The following DENND2B variants were observed in gnomAD, a reference collection of about 807,000 sequenced individuals.
The protein encoded by DENND2B is DENN domain-containing protein 2B.
In DENND2B, 32 loss-of-function variants were observed where a neutral mutation model predicts 116.0. The observed-to-expected ratio is 0.28, with a 90% CI of 0.21 to 0.37. The LOEUF (loss-of-function observed/expected upper bound fraction) is 0.37, where lower values mean the gene tolerates loss of function less well. Among genes scored for constraint, DENND2B ranks in the 10% least tolerant of loss-of-function variants. The pLI is 1.00. For missense variants in DENND2B, 1,276 were observed against 1,477.7 expected, an observed-to-expected ratio of 0.86 and a Z score of 2.24; for synonymous variants, 588 against 583.9, an observed-to-expected ratio of 1.01 and a Z score of -0.10.
chr11:8,744,323 G>A (rs1344036953), intron 2 of DENND2B, among the ~76,000 whole-genome samples: 1 of 151,800 alleles, frequency 6.6e-6, no homozygotes, highest in Non-Finnish European at 1.5e-5. Flanking sequence ...TAGTAGAGAT[G>A]GGGTTTCTCC....
intron 1 of DENND2B, among the ~76,000 whole-genome samples, chr11:8,904,670 A>G (rs751866720): frequency 2.0e-5 from 3 of 152,196 alleles, no homozygotes; most frequent in Non-Finnish European, 4.4e-5. Context: ...GAAAATCCTA[A>G]AGAATCCACA....
At chr11:8,842,055 C>T (rs898677489) in intron 3 of DENND2B, among the ~76,000 whole-genome samples, 2 of 152,154 alleles carry the variant, frequency 1.3e-5, no homozygotes. Context: ...CCTGGATCTT[C>T]AGTGATTTAC....
intron 2 of DENND2B, among the ~76,000 whole-genome samples, chr11:8,732,409 C>T (rs1452802266): frequency 2.0e-5 from 3 of 152,196 alleles, no homozygotes; most frequent in Admixed American, 6.5e-5. Context: ...ACGTGAACTT[C>T]CACTACACTG....
intron 4 of DENND2B, among the ~76,000 whole-genome samples, chr11:8,816,505 C>T (rs1353604160): frequency 2.0e-5 from 3 of 150,470 alleles, no homozygotes; most frequent in East Asian, 3.9e-4. Context: ...GAGACATCAT[C>T]GCATCACTGC....
At chr11:8,833,446 A>C (rs2062295586) in intron 4 of DENND2B, among the ~76,000 whole-genome samples, 1 of 152,140 alleles carries the variant, frequency 6.6e-6, no homozygotes, top group South Asian at 2.1e-4. Context: ...GATTCCATAA[A>C]ATCCAGATGA....
At chr11:8,695,586 C>T in intron 18 of DENND2B, 37 bp from the exon 19 acceptor site, 1 of 1,597,026 alleles carries the variant, frequency 6.3e-7, no homozygotes, top group African/African-American at 1.3e-5. Flanking sequence ...AGAGAACAGT[C>T]ATTGGAGGAA....
chr11:8,804,669 C>G (rs957267612), intron 1 of DENND2B, among the ~76,000 whole-genome samples: 3 of 151,786 alleles, frequency 2.0e-5, no homozygotes, highest in Admixed American at 1.3e-4. Context: ...CTCAGCCTCC[C>G]GAGTAGCTGG....
At chr11:8,768,311 T>C (rs957979657) in intron 1 of DENND2B, among the ~76,000 whole-genome samples, 5 of 152,166 alleles carry the variant, frequency 3.3e-5, no homozygotes, top group Admixed American at 6.6e-5. Context: ...TACAGTGATA[T>C]AGTAATAGCT....
chr11:8,776,228 T>A, intron 1 of DENND2B: 1 of 455,450 alleles, frequency 2.2e-6, no homozygotes. Flanking sequence ...TCCAAACATG[T>A]CCACGTGTCC....
At chr11:8,845,523 A>C (rs1368017) in intron 3 of DENND2B, among the ~76,000 whole-genome samples, 44,706 of 152,148 alleles carry the variant, frequency 0.29, 6,827 homozygotes, top group East Asian at 0.54. Context: ...TTTGCTACTC[A>C]CAGTCATTCA....
At chr11:8,741,385 T>A (rs900040465) in intron 2 of DENND2B, among the ~76,000 whole-genome samples, 6 of 152,138 alleles carry the variant, frequency 3.9e-5, no homozygotes, top group African/African-American at 7.2e-5. Context: ...GAGAGAATAC[T>A]GACACTGCAG....
chr11:8,819,577 A>G (rs951676039), intron 4 of DENND2B, among the ~76,000 whole-genome samples: 1 of 152,212 alleles, frequency 6.6e-6, no homozygotes, highest in African/African-American at 2.4e-5. Flanking sequence ...GACACCACGT[A>G]CCCCGATACC....
intron 2 of DENND2B, among the ~76,000 whole-genome samples, chr11:8,861,194 A>G (rs2063378767): frequency 6.6e-6 from 1 of 152,180 alleles, no homozygotes; most frequent in Admixed American, 6.5e-5. Flanking sequence ...AATGGGAACT[A>G]ATTAAACTAA....
Position 8,725,958 on chromosome 11 carries a change from G to A in DENND2B, c.1477+115C>T, listed in dbSNP as rs958997904. ...ATGTCCCATTCCAGGAGGAGTTCCA[G>A]AAGGTGGGACCATGCCTGCCCACAG... is the stretch of plus-strand genomic sequence containing the variant. On this transcript the variant is annotated intron_variant, in intron 4 of 19. Transcript: ENST00000313726. 72 of 1,484,102 alleles carry A rather than the reference G, an allele frequency of 4.9e-5. 1 individual carries two copies. Among genetic ancestry groups the A allele is most frequent in the Admixed American group, 3.7e-5 (2 of 54,296 alleles). The allele number at this position is 1,484,102 out of a possible 1,614,324, so 91.9% of individuals were successfully genotyped here.
intron 1 of DENND2B, among the ~76,000 whole-genome samples, chr11:8,897,424 A>G (rs940991855): frequency 2.0e-4 from 30 of 152,348 alleles, no homozygotes; most frequent in African/African-American, 7.2e-4. Flanking sequence ...TAGTAGTTCT[A>G]TCAGGACAGT....
At chr11:8,697,849 T>G in intron 16 of DENND2B, 1 of 581,646 alleles carries the variant, frequency 1.7e-6, no homozygotes, top group Non-Finnish European at 3.1e-6. Flanking sequence ...TGGTAGAGGG[T>G]CAGGCGCAGT....
At position 8,718,882 on chromosome 11, in the gene DENND2B, A is replaced by C. The variant is rs563577040; in HGVS notation, c.1478-990T>G. On this transcript the variant is annotated intron_variant, in intron 4 of 19. Transcript: ENST00000313726. ...CACACACATTTTCTAAAATAGAGTA[A>C]CACCATGGGCCGGGTCAGTCCTAGC... 66 of 994,600 alleles carry C rather than the reference A, an allele frequency of 6.6e-5. No homozygotes were observed. In the Admixed American group the frequency reaches 1.6e-3, roughly 25 times the overall value. The allele number at this position is 994,600 out of a possible 1,614,324, so 61.6% of individuals were successfully genotyped here.
intron 1 of DENND2B, among the ~76,000 whole-genome samples, chr11:8,884,264 A>C (rs2063934782): frequency 6.7e-6 from 1 of 149,234 alleles, no homozygotes; most frequent in Non-Finnish European, 1.5e-5. Flanking sequence ...AAGGATACTA[A>C]TACTAGTCTA....
intron 13 of DENND2B, among the ~76,000 whole-genome samples, chr11:8,704,349 C>T (rs183371106): frequency 5.9e-5 from 9 of 152,230 alleles, no homozygotes; most frequent in African/African-American, 1.7e-4. Context: ...GTCTTCTAGG[C>T]AAAAGGAAGT....
Sources: gnomAD v4.1 joint callset for allele counts (sites outside exome capture counted in the v4.1 genomes callset) on GRCh38, gnomAD v4.1.1 for gene constraint, MANE v1.5 for transcripts, NCBI Gene and HGNC (gene_info 2026-07-23, HGNC 2026-07-21) for gene names.